Variants in RYR3 observed in about 807,000 individuals in gnomAD.
RYR3 encodes the protein ryanodine receptor 3, also known as brain ryanodine receptor-calcium release channel.
Under a neutral mutation model 584.3 loss-of-function variants are expected in RYR3, and 207 were observed. That is an observed-to-expected ratio of 0.35 (90% CI 0.32 to 0.40). RYR3 has a LOEUF of 0.40. Ranked by LOEUF, RYR3 falls within the 10% of genes least tolerant of loss-of-function variation. RYR3 has a pLI of 1.00. For missense variants in RYR3, 5,616 were observed against 6,089.2 expected (o/e 0.92, Z 2.59); for synonymous variants, 2,416 against 2,248.5 (o/e 1.07, Z -2.11).
At chr15:33,545,357 GT>G in intron 8 of RYR3, among the ~76,000 whole-genome samples, 1 of 152,276 alleles carries the variant, frequency 6.6e-6, no homozygotes, top group South Asian at 2.1e-4. Flanking sequence ...TTGAAAGGAG[GT>G]GATGGGAAGA....
chr15:33,819,675 AAAATAAATAAATAAAT>A (rs10631080), intron 76 of RYR3, 65 bp from the exon 77 acceptor site: 216,937 of 652,824 alleles, frequency 0.33, 35,508 homozygotes, highest in East Asian at 0.4. Flanking sequence ...CTCTGTCTCA[AAAATAAATAAATAAAT>A]AAATAAATAA....
chr15:33,776,168 G>A (rs4779645), intron 64 of RYR3, among the ~76,000 whole-genome samples: 1 of 152,018 alleles, frequency 6.6e-6, no homozygotes, highest in Non-Finnish European at 1.5e-5. Context: ...AGTATGCTTT[G>A]TAGATAGAAA....
At chr15:33,526,759 G>A (rs1027332110) in intron 3 of RYR3, among the ~76,000 whole-genome samples, 15 of 152,060 alleles carry the variant, frequency 9.9e-5, no homozygotes, top group African/African-American at 3.6e-4. Context: ...CATGGGCATG[G>A]CAGAGGATAC....
At chr15:33,641,990 C>T (rs964134619) in intron 27 of RYR3, among the ~76,000 whole-genome samples, 2 of 144,114 alleles carry the variant, frequency 1.4e-5, no homozygotes, top group Non-Finnish European at 3.1e-5. Flanking sequence ...TAAAGGATCT[C>T]ATCCCATTTT....
At chr15:33,580,707 A>G (rs377335794) in intron 13 of RYR3, among the ~76,000 whole-genome samples, 6 of 152,276 alleles carry the variant, frequency 3.9e-5, no homozygotes, top group Non-Finnish European at 7.3e-5. Flanking sequence ...CCTTTTCCAG[A>G]CTCGGAGATG....
intron 52 of RYR3, among the ~76,000 whole-genome samples, chr15:33,745,628 A>G (rs1384280161): frequency 6.6e-6 from 1 of 152,212 alleles, no homozygotes; most frequent in African/African-American, 2.4e-5. Flanking sequence ...TAGGAAGCAC[A>G]CATCACTACA....
chr15:33,599,520 C>T (rs1420573588), intron 16 of RYR3, among the ~76,000 whole-genome samples: 1 of 152,164 alleles, frequency 6.6e-6, no homozygotes, highest in Non-Finnish European at 1.5e-5. Context: ...CAGGGAACTT[C>T]CAGGTTACAG....
intron 74 of RYR3, among the ~76,000 whole-genome samples, chr15:33,814,900 CA>C (rs66623531): frequency 0.012 from 1,129 of 91,770 alleles, 11 homozygotes; most frequent in African/African-American, 0.042. Flanking sequence ...GACTCTGTCT[CA>C]AAAAAAAAAA....
Position 33,652,971 on chromosome 15 carries a change from G to A in RYR3, c.4308+88G>A, listed in dbSNP as rs972090836. The A allele has an allele frequency of 2.2e-6, 3 of 1,360,614 alleles. No individual in the cohort carries two copies. In the African/African-American group the frequency reaches 4.4e-5, roughly 20 times the overall value. 84.3% of individuals were successfully genotyped at this position (1,360,614 alleles called of 1,614,324 possible). On this transcript the variant is annotated intron_variant, in intron 32 of 103. Transcript: ENST00000634891. The stretch of plus-strand genomic sequence containing the variant: ...CTTGTTCTCCGTACTCAGCATTCCT[G>A]CCACAGTGTGTCAAGCTGATGAGCC...
chr15:33,713,514 GGTGGTGAGGGTT>G (rs1322826214), intron 43 of RYR3, among the ~76,000 whole-genome samples: 1 of 144,826 alleles, frequency 6.9e-6, no homozygotes, highest in Non-Finnish European at 1.6e-5. Flanking sequence ...TGATGATGGG[GGTGGTGAGGGTT>G]GTGGTGAGGA....
At chr15:33,429,272 G>A (rs2044916563) in intron 1 of RYR3, among the ~76,000 whole-genome samples, 1 of 152,146 alleles carries the variant, frequency 6.6e-6, no homozygotes, top group African/African-American at 2.4e-5. Context: ...AATTTGGGAA[G>A]AAGCAAGGGA....
chr15:33,539,180 G>C (rs1222626000), intron 5 of RYR3, 170 bp from the exon 6 acceptor site: 1 of 535,410 alleles, frequency 1.9e-6, no homozygotes, highest in Non-Finnish European at 3.4e-6. Flanking sequence ...ATAGTCAAGA[G>C]CAGATGGGGG....
chr15:33,727,376 G>T (rs753899378), intron 46 of RYR3, among the ~76,000 whole-genome samples: 18 of 152,184 alleles, frequency 1.2e-4, no homozygotes, highest in Admixed American at 5.2e-4. Flanking sequence ...TCCACAGAAG[G>T]TTTTTGTGGG....
intron 42 of RYR3, among the ~76,000 whole-genome samples, chr15:33,701,294 T>A (rs1363720170): frequency 6.6e-6 from 1 of 152,158 alleles, no homozygotes; most frequent in Non-Finnish European, 1.5e-5. Context: ...TTCAGAGACA[T>A]GTGGACATTT....
intron 28 of RYR3, 33 bp downstream of exon 28, chr15:33,644,552 G>T (rs776831244): frequency 1.7e-5 from 26 of 1,559,698 alleles, no homozygotes; most frequent in Middle Eastern, 1.7e-4. Flanking sequence ...GCCCTGGCAG[G>T]TCAGGTGGGC....
intron 65 of RYR3, among the ~76,000 whole-genome samples, chr15:33,781,585 T>C (rs1352065486): frequency 2.0e-5 from 3 of 152,176 alleles, no homozygotes; most frequent in Non-Finnish European, 2.9e-5. Context: ...CCATGGCAGC[T>C]TTATTCCCAC....
chr15:33,755,194 T>A lies in RYR3; in HGVS notation c.8515+14T>A. On this transcript the variant is annotated intron_variant, in intron 58 of 103. Transcript: ENST00000634891. Reference sequence around the variant, plus strand: ...TTGCCCATTTAGGTAAGTATCATCATGAAATAACCCAAAAGAATTCAATAT... The same window carrying A: ...TTGCCCATTTAGGTAAGTATCATCAAGAAATAACCCAAAAGAATTCAATAT... 1 of 1,369,938 alleles carries A rather than the reference T, an allele frequency of 7.3e-7. No homozygotes were observed. The highest frequency in any genetic ancestry group is 1.2e-5 in the South Asian group (1 of 84,008). 84.9% of individuals were successfully genotyped at this position (1,369,938 alleles called of 1,614,324 possible).
chr15:33,664,327 C>G (rs541632516), intron 36 of RYR3, among the ~76,000 whole-genome samples: 2 of 151,882 alleles, frequency 1.3e-5, no homozygotes, highest in African/African-American at 4.8e-5. Context: ...AGCCTTACCC[C>G]GATGGGAAGG....
At position 33,631,295 on chromosome 15, in the gene RYR3, T is replaced by TG; in HGVS notation, c.2867+2_2867+3insG. 2 of 1,566,872 alleles carry TG rather than the reference T, an allele frequency of 1.3e-6. No individual in the cohort carries two copies. The highest frequency in any genetic ancestry group is 1.7e-6 in the Non-Finnish European group (2 of 1,153,254). ...CAAGAAGGTCAAACTGCCCAAAAAGTAGGTGATTTTTTTTTTAATGGTTCA... is the reference window on the plus strand; with the variant it reads ...CAAGAAGGTCAAACTGCCCAAAAAGTGAGGTGATTTTTTTTTTAATGGTTCA... On this transcript the variant is annotated splice_region_variant and intron_variant, in intron 23 of 103. Transcript: ENST00000634891.
Sources: allele counts gnomAD v4.1 joint callset (sites outside exome capture counted in the v4.1 genomes callset), GRCh38; gene constraint gnomAD v4.1.1; transcripts MANE v1.5; gene names NCBI Gene and HGNC (gene_info 2026-07-23, HGNC 2026-07-21).